The following MAF variants were observed in gnomAD, a reference collection of about 807,000 sequenced individuals.
MAF encodes transcription factor Maf.
A neutral mutation model predicts 22.0 loss-of-function variants in MAF; 10 were observed. That is an observed-to-expected ratio of 0.45 (90% confidence interval 0.28 to 0.77). MAF has a LOEUF of 0.77. MAF is among the 30% of genes least tolerant of loss of function. The pLI, the probability that MAF is intolerant of heterozygous loss-of-function variation, is 0.12. For missense variants in MAF, 544 were observed against 548.4 expected, an observed-to-expected ratio of 0.99 and a Z score of 0.08; for synonymous variants, 337 against 255.8, an observed-to-expected ratio of 1.32 and a Z score of -3.03.
At chr16:79,349,401 G>C in the MAF span, among the ~76,000 whole-genome samples, 3 of 152,192 alleles carry the variant, frequency 2.0e-5, no homozygotes, top group Non-Finnish European at 2.9e-5. Context: ...TAGCTCATCT[G>C]TTTAGAAAGT....
the MAF span, among the ~76,000 whole-genome samples, chr16:79,553,877 T>C: frequency 6.6e-6 from 1 of 151,958 alleles, no homozygotes; most frequent in African/African-American, 2.4e-5. Flanking sequence ...TCATTTGAGG[T>C]CAAGAGCTCG....
the MAF span, among the ~76,000 whole-genome samples, chr16:79,361,364 T>G: frequency 6.6e-6 from 1 of 152,186 alleles, no homozygotes; most frequent in Admixed American, 6.5e-5. Context: ...AAGCTGCACC[T>G]GTGAAGCAAG....
At chr16:79,336,069 C>G in the MAF span, among the ~76,000 whole-genome samples, 1 of 152,174 alleles carries the variant, frequency 6.6e-6, no homozygotes, top group Non-Finnish European at 1.5e-5. Flanking sequence ...AGTGAGGGAA[C>G]TAGGCTCAAA....
chr16:79,588,112 TAAATAGTAC>T (rs1308370556), intron 1 of MAF, among the ~76,000 whole-genome samples: 5 of 152,194 alleles, frequency 3.3e-5, no homozygotes, highest in Non-Finnish European at 5.9e-5. Context: ...AAGAGTTCTT[TAAATAGTAC>T]AGGAGCATGC....
the MAF span, among the ~76,000 whole-genome samples, chr16:79,325,325 T>G: frequency 2.5e-3 from 383 of 152,300 alleles, 2 homozygotes; most frequent in African/African-American, 8.9e-3. Context: ...CATTATCACG[T>G]GCTTCCAGCT....
At chr16:79,404,865 C>G in the MAF span, among the ~76,000 whole-genome samples, 1 of 152,146 alleles carries the variant, frequency 6.6e-6, no homozygotes, top group East Asian at 1.9e-4. Context: ...CATTACAAAT[C>G]GCTCCCCTCC....
At chr16:79,480,969 A>T in the MAF span, among the ~76,000 whole-genome samples, 3,245 of 152,232 alleles carry the variant, frequency 0.021, 122 homozygotes, top group African/African-American at 0.075. Flanking sequence ...CCATCAAAAA[A>T]GCACCCCCAA....
the MAF span, among the ~76,000 whole-genome samples, chr16:79,354,628 CA>C: frequency 6.6e-6 from 1 of 152,142 alleles, no homozygotes; most frequent in Non-Finnish European, 1.5e-5. Flanking sequence ...CTTGTAGGGA[CA>C]AAAGGGATTG....
chr16:79,217,714 GGT>G, the MAF span, among the ~76,000 whole-genome samples: 1 of 152,012 alleles, frequency 6.6e-6, no homozygotes, highest in African/African-American at 2.4e-5. Flanking sequence ...CAACTCCAAA[GGT>G]GGCCAGTTTC....
chr16:79,296,798 A>G, the MAF span, among the ~76,000 whole-genome samples: 1 of 152,052 alleles, frequency 6.6e-6, no homozygotes, highest in African/African-American at 2.4e-5. Flanking sequence ...TCTCTTCCAG[A>G]CCACCTAGCA....
At chr16:79,385,500 C>T in the MAF span, among the ~76,000 whole-genome samples, 1 of 152,146 alleles carries the variant, frequency 6.6e-6, no homozygotes. Flanking sequence ...AAGTCGAAAC[C>T]TTCCCTTTTA....
At chr16:79,379,019 T>G in the MAF span, among the ~76,000 whole-genome samples, 4 of 152,232 alleles carry the variant, frequency 2.6e-5, no homozygotes, top group African/African-American at 9.6e-5. Flanking sequence ...TATTCTGATT[T>G]TGTGCCATCG....
the MAF span, among the ~76,000 whole-genome samples, chr16:79,213,088 G>A: frequency 6.6e-6 from 1 of 152,160 alleles, no homozygotes; most frequent in Non-Finnish European, 1.5e-5. Flanking sequence ...TCTTATCTGC[G>A]CATCCCATCT....
the MAF span, among the ~76,000 whole-genome samples, chr16:79,369,054 T>C: frequency 3.9e-5 from 6 of 152,224 alleles, no homozygotes; most frequent in African/African-American, 1.2e-4. Flanking sequence ...TAGAACAGTG[T>C]TGGACACACA....
chr16:79,239,369 T>C, the MAF span, among the ~76,000 whole-genome samples: 13 of 151,998 alleles, frequency 8.6e-5, no homozygotes, highest in African/African-American at 3.1e-4. Context: ...CTGAAACTGG[T>C]AAAGTCCCGG....
chr16:79,447,518 G>T, the MAF span, among the ~76,000 whole-genome samples: 27 of 152,236 alleles, frequency 1.8e-4, no homozygotes, highest in South Asian at 5.2e-3. Context: ...TTTTGTTTAA[G>T]AAATACATTT....
intron 1 of MAF, chr16:79,596,514 C>T: frequency 6.7e-6 from 7 of 1,049,452 alleles, no homozygotes; most frequent in Non-Finnish European, 8.1e-6. Context: ...GTAGATTATT[C>T]TTTTCTTGAT....
At chr16:79,362,664 C>A in the MAF span, among the ~76,000 whole-genome samples, 1 of 152,162 alleles carries the variant, frequency 6.6e-6, no homozygotes, top group Non-Finnish European at 1.5e-5. Context: ...CAAGTTAGAT[C>A]TAATAAGCCT....
the MAF span, among the ~76,000 whole-genome samples, chr16:79,548,999 C>T: frequency 6.6e-6 from 1 of 152,242 alleles, no homozygotes; most frequent in South Asian, 2.1e-4. Flanking sequence ...TTTTTTAAGA[C>T]ATCGTTACTC....
Sources: allele counts gnomAD v4.1 joint callset (sites outside exome capture counted in the v4.1 genomes callset), GRCh38; gene constraint gnomAD v4.1.1; transcripts MANE v1.5; gene names NCBI Gene and HGNC (gene_info 2026-07-23, HGNC 2026-07-21).